The following CEP85 variants were observed in gnomAD, a reference collection of about 807,000 sequenced individuals.
CEP85 encodes the protein centrosomal protein 85.
Under a neutral mutation model 93.7 loss-of-function variants are expected in CEP85, and 58 were observed. That is an observed-to-expected ratio of 0.62 (90% CI 0.50 to 0.77). The LOEUF is 0.77. CEP85 is among the 30% of genes least tolerant of loss of function. The probability of loss-of-function intolerance (pLI) is 0.00; values close to 1 mark genes in which losing one functional copy is unlikely to be tolerated. For missense variants in CEP85, 868 were observed against 922.0 expected (o/e 0.94, Z 0.76); for synonymous variants, 314 against 338.6 (o/e 0.93, Z 0.80).
chr1:26,240,335 G>GT (rs2089402361), intron 2 of CEP85, among the ~76,000 whole-genome samples: 1 of 152,114 alleles, frequency 6.6e-6, no homozygotes, highest in Non-Finnish European at 1.5e-5. Flanking sequence ...GTCCATGGCG[G>GT]ACTGGTTCCA....
intron 1 of CEP85, among the ~76,000 whole-genome samples, chr1:26,236,883 G>C (rs1358957842): frequency 6.6e-6 from 1 of 152,186 alleles, no homozygotes; most frequent in African/African-American, 2.4e-5. Context: ...TTTCTGATTG[G>C]CAGTTGGTTG....
Position 26,275,021 on chromosome 1 carries a change from G to GC in CEP85, c.1855dup (p.Gln619ProfsTer26), listed in dbSNP as rs1310382455. On this transcript the variant is annotated frameshift_variant, in exon 12 of 14. Coordinates refer to ENST00000451429, the MANE Select transcript of CEP85 (RefSeq NM_001319944.2). LOFTEE classifies it high-confidence loss of function. ...AACAAGCCAGGCCCTGAGAGAGGAG[G>GC]CCCAGCGAAGGGATTCAGCCCTGCA... 1 of 1,587,376 alleles carries GC rather than the reference G, an allele frequency of 6.3e-7. No homozygotes were observed. Among genetic ancestry groups the GC allele is most frequent in the Admixed American group, 1.8e-5 (1 of 56,506 alleles).
Position 26,244,017 on chromosome 1 carries a change from A to AC in CEP85, c.56-148dup. Reference sequence around the variant, plus strand: ...AAAAAAAAAAAAAAAAAAAAAAAAAACTAGATCGGAGCAGCTGAAATAGGC... The same window carrying AC: ...AAAAAAAAAAAAAAAAAAAAAAAAAACCTAGATCGGAGCAGCTGAAATAGGC... On this transcript the variant is annotated intron_variant, in intron 2 of 13. Coordinates refer to ENST00000451429, the MANE Select transcript of CEP85 (RefSeq NM_001319944.2). 1.0e-5 allele frequency: 5 copies of AC among 484,652 alleles called. No individual in the cohort carries two copies. In the East Asian group the frequency reaches 1.5e-4, roughly 15 times the overall value. The allele number at this position is 484,652 out of a possible 1,614,324, so 30.0% of individuals were successfully genotyped here.
chr1:26,255,198 C>T lies in CEP85; in HGVS notation c.236C>T (p.Pro79Leu). 6 of 1,613,954 alleles carry T rather than the reference C, an allele frequency of 3.7e-6. No homozygotes were observed. The highest frequency in any genetic ancestry group is 3.4e-6 in the Non-Finnish European group (4 of 1,179,826). The change falls in exon 4 of 14, where the codon CCT becomes CTT. Residue 79 changes from proline (P) to leucine (L), a missense_variant. Physicochemically the swap from Pro to Leu is moderately conservative, Grantham distance 98 (BLOSUM62 -3). Transcript: ENST00000451429. ...TTTTGCAGCTCAAGTGGCAGTCCTC[C>T]TTTCCAGCCCATCAAAAGCCACGTA... is the stretch of plus-strand genomic sequence containing the variant. ...EDFCSSSGSP[P>L]FQPIKSHVTI...
chr1:26,251,019 G>A (rs1054918445), intron 3 of CEP85, among the ~76,000 whole-genome samples: 1 of 136,224 alleles, frequency 7.3e-6, no homozygotes, highest in African/African-American at 2.8e-5. Flanking sequence ...TTGGCTCACT[G>A]CAGCTTCCGC....
Position 26,259,634 on chromosome 1 carries a change from C to T in CEP85, c.1173C>T (p.Asn391=). The T allele has an allele frequency of 1.2e-6, 2 of 1,607,314 alleles. No homozygotes were observed. The highest frequency in any genetic ancestry group is 2.2e-5 in the South Asian group (2 of 89,874). The change falls in exon 7 of 14, where the codon AAC becomes AAT. Residue 391 remains asparagine (N), a synonymous_variant. Coordinates refer to ENST00000451429, the MANE Select transcript of CEP85 (RefSeq NM_001319944.2). Reference sequence around the variant, plus strand: ...TCTGGCAGGAATTGCAGCGAGAAAACACTTTCTTACGTGCACAGTTTGCAC... The same window carrying T: ...TCTGGCAGGAATTGCAGCGAGAAAATACTTTCTTACGTGCACAGTTTGCAC... ...LLRLQELQRE[N]TFLRAQFAQK...
At chr1:26,266,669 T>A (rs919401247) in intron 7 of CEP85, among the ~76,000 whole-genome samples, 1 of 152,262 alleles carries the variant, frequency 6.6e-6, no homozygotes, top group Non-Finnish European at 1.5e-5. Context: ...TTGGATTAAA[T>A]TAGGCCTTTG....
intron 3 of CEP85, among the ~76,000 whole-genome samples, chr1:26,252,199 C>G (rs1462306182): frequency 6.6e-6 from 1 of 150,664 alleles, no homozygotes; most frequent in Non-Finnish European, 1.5e-5. Context: ...CCACTGCACT[C>G]CAGCCTGGAC....
At chr1:26,258,517 A>G (rs971282043) in intron 6 of CEP85, among the ~76,000 whole-genome samples, 1 of 150,576 alleles carries the variant, frequency 6.6e-6, no homozygotes, top group African/African-American at 2.5e-5. Flanking sequence ...AAGGTCCTAG[A>G]GTTGGGTGAT....
chr1:26,268,694 T>G, intron 8 of CEP85, 59 bp downstream of exon 8: 1 of 1,490,314 alleles, frequency 6.7e-7, no homozygotes, highest in Non-Finnish European at 9.1e-7. Context: ...CAGGGGAACT[T>G]TTTCATCATC....
intron 1 of CEP85, among the ~76,000 whole-genome samples, chr1:26,239,170 G>A (rs1414944286): frequency 6.6e-6 from 1 of 152,008 alleles, no homozygotes; most frequent in Non-Finnish European, 1.5e-5. Context: ...AGGGTTCTAG[G>A]ACCGTATGGA....
At chr1:26,252,230 A>G (rs1297282595) in intron 3 of CEP85, among the ~76,000 whole-genome samples, 4 of 141,624 alleles carry the variant, frequency 2.8e-5, no homozygotes, top group African/African-American at 1.1e-4. Flanking sequence ...GTGAGACCCC[A>G]TCTCAAAAAA....
chr1:26,256,328 C>T (rs1236558434), intron 4 of CEP85, among the ~76,000 whole-genome samples: 3 of 151,912 alleles, frequency 2.0e-5, no homozygotes, highest in African/African-American at 7.3e-5. Context: ...GGCAGGAGTT[C>T]GAGACCAGCC....
At chr1:26,234,555 G>A (rs1026882372) in intron 1 of CEP85, among the ~76,000 whole-genome samples, 1 of 152,236 alleles carries the variant, frequency 6.6e-6, no homozygotes, top group East Asian at 1.9e-4. Flanking sequence ...CTTTACCTGC[G>A]TGCCAGGCCC....
intron 1 of CEP85, among the ~76,000 whole-genome samples, chr1:26,235,217 A>C (rs2089306571): frequency 1.3e-5 from 2 of 152,202 alleles, no homozygotes; most frequent in South Asian, 4.1e-4. Flanking sequence ...GCACGCAGTA[A>C]ATTTCGGTTG....
chr1:26,246,823 C>T (rs1183469795), intron 3 of CEP85, among the ~76,000 whole-genome samples: 4 of 150,774 alleles, frequency 2.7e-5, no homozygotes, highest in South Asian at 2.1e-4. Flanking sequence ...TGTAGAGCAC[C>T]GTTAAGAAAA....
At position 26,255,186 on chromosome 1, in the gene CEP85, G is replaced by A. The variant is rs1268158816; in HGVS notation, c.224G>A (p.Ser75Asn). 1.2e-6 allele frequency: 2 copies of A among 1,612,890 alleles called. No homozygotes were observed. Among genetic ancestry groups the A allele is most frequent in the Non-Finnish European group, 1.7e-6 (2 of 1,179,228 alleles). The change falls in exon 4 of 14, where the codon AGT becomes AAT. Residue 75 changes from serine (S) to asparagine (N), a missense_variant. Transcript: ENST00000451429. ...CTCTCCCCAGATTTTTGCAGCTCAA[G>A]TGGCAGTCCTCCTTTCCAGCCCATC... ...SDIAEDFCSS[S>N]GSPPFQPIKS...
chr1:26,262,432 A>G (rs1368266556), intron 7 of CEP85, among the ~76,000 whole-genome samples: 1 of 151,934 alleles, frequency 6.6e-6, no homozygotes, highest in Non-Finnish European at 1.5e-5. Context: ...GAGCCGAGAT[A>G]GCACCACTGC....
chr1:26,269,286 T>C (rs1194854948), intron 8 of CEP85, 174 bp from the exon 9 acceptor site: 2 of 615,070 alleles, frequency 3.3e-6, no homozygotes, highest in African/African-American at 1.8e-5. Context: ...TCCAGTTGTG[T>C]TCTCACCATT....
Sources: allele counts gnomAD v4.1 joint callset (sites outside exome capture counted in the v4.1 genomes callset), GRCh38; gene constraint gnomAD v4.1.1; transcripts MANE v1.5; gene names NCBI Gene and HGNC (gene_info 2026-07-23, HGNC 2026-07-21).